Variants in MYBBP1A observed in about 807,000 individuals in gnomAD.
MYBBP1A encodes the protein MYB binding protein 1a, also known as myb-binding protein 1A.
In MYBBP1A, 147 loss-of-function variants were observed where a neutral mutation model predicts 136.3. That is an observed-to-expected ratio of 1.08 (90% CI 0.94 to 1.24). The LOEUF (loss-of-function observed/expected upper bound fraction) is 1.24, where lower values mean the gene tolerates loss of function less well. Among genes scored for constraint, MYBBP1A ranks in the 50% most tolerant of loss-of-function variants. MYBBP1A has a pLI of 0.00. For synonymous variants in MYBBP1A, 947 were observed against 735.8 expected (o/e 1.29, Z -4.65); for missense variants, 2,060 against 1,727.4 (o/e 1.19, Z -3.41).
chr17:4,545,372 C>T, intron 15 of MYBBP1A, 27 bp from the exon 16 acceptor site: 1 of 1,611,154 alleles, frequency 6.2e-7, no homozygotes. Flanking sequence ...GCCACTGACC[C>T]ATTTGCAGCC....
At chr17:4,547,790 C>A in intron 13 of MYBBP1A, 168 bp downstream of exon 13, 1 of 562,380 alleles carries the variant, frequency 1.8e-6, no homozygotes, top group Non-Finnish European at 3.1e-6. Flanking sequence ...CGCTAAGTGG[C>A]CGGAGGGATG....
intron 20 of MYBBP1A, 34 bp downstream of exon 20, chr17:4,542,879 G>A (rs757899367): frequency 2.5e-6 from 4 of 1,611,816 alleles, no homozygotes; most frequent in Non-Finnish European, 2.5e-6. Context: ...GCTGTGAAAT[G>A]CCTGGGGCTG....
rs764796216 is a variant in MYBBP1A at position 4,539,860 on chromosome 17, C to A, written c.3542G>T (p.Arg1181Leu). ...GCCATCCTCTGACTTGCGTTTCTTG[C>A]GCTTCTTCGTCTCTGGCAAGAATCC... is the stretch of plus-strand genomic sequence containing the variant. ...KKGFLPETKK[R>L]KKRKSEDGTP... The change falls in exon 26 of 26, where the codon CGC (arginine) becomes CTC (leucine). Residue 1181 changes from arginine (R) to leucine (L), a missense_variant. Physicochemically the swap from Arg to Leu is moderately radical, Grantham distance 102. Transcript: ENST00000254718. 3.7e-6 allele frequency: 6 copies of A among 1,606,864 alleles called. No individual in the cohort carries two copies. The highest frequency in any genetic ancestry group is 3.3e-5 in the Admixed American group (2 of 60,024).
rs994089732 is a variant in MYBBP1A at position 4,543,114 on chromosome 17, T to G, written c.2691A>C (p.Ala897=). Residue 897 remains alanine (A), a synonymous_variant, in exon 20 of 26, where the codon GCA becomes GCC. Transcript: ENST00000254718. ...RRYCHDLGER[A]GALHAQVERL... The stretch of plus-strand genomic sequence containing the variant: ...GCTCCACCTGGGCGTGCAGGGCCCC[T>G]GCGCGCTCACCCAAGTCGTGGCAGT... The G allele has an allele frequency of 1.1e-5, 18 of 1,612,200 alleles. No individual in the cohort carries two copies. Among genetic ancestry groups the G allele is most frequent in the Non-Finnish European group, 1.5e-5 (18 of 1,179,450 alleles).
chr17:4,554,751 C>T, intron 2 of MYBBP1A, 110 bp downstream of exon 2: 1 of 1,056,220 alleles, frequency 9.5e-7, no homozygotes, highest in Non-Finnish European at 1.4e-6. Context: ...CCACTCCCGA[C>T]CTCTCTCTCG....
rs1906975229 is a variant in MYBBP1A at position 4,545,917 on chromosome 17, A to AGCAGGTC, written c.1843_1849dup (p.Leu617ArgfsTer5). ...CCTGATGCAGGTCTGGATGTCACCC[A>AGCAGGTC]GCAGGTCACAGCTCTCTGCAGGGGA... On this transcript the variant is annotated frameshift_variant, in exon 14 of 26. Coordinates refer to ENST00000254718, the MANE Select transcript of MYBBP1A (RefSeq NM_014520.4). LOFTEE classifies it high-confidence loss of function. 1 of 1,613,260 alleles carries AGCAGGTC rather than the reference A, an allele frequency of 6.2e-7. No homozygotes were observed. The highest frequency in any genetic ancestry group is 1.3e-5 in the African/African-American group (1 of 75,048).
chr17:4,546,639 T>C (rs1014976242), intron 13 of MYBBP1A, among the ~76,000 whole-genome samples: 1 of 152,246 alleles, frequency 6.6e-6, no homozygotes, highest in African/African-American at 2.4e-5. Context: ...TTGAAAGTCA[T>C]TAGTTTTAAC....
chr17:4,541,468 G>A lies in MYBBP1A; in HGVS notation c.3292C>T (p.His1098Tyr). 1 of 1,613,154 alleles carries A rather than the reference G, an allele frequency of 6.2e-7. No individual in the cohort carries two copies. Among genetic ancestry groups the A allele is most frequent in the Non-Finnish European group, 8.5e-7 (1 of 1,179,878 alleles). Reference sequence around the variant, plus strand: ...GGACTGGGCCCCCGCCTCACCTCATGTTTGCAGGTCCTGAAGAGAACGTTG... The same window carrying A: ...GGACTGGGCCCCCGCCTCACCTCATATTTGCAGGTCCTGAAGAGAACGTTG... ...LLNVLFRTCK[H>Y]EKLTLDLTVL... The change falls in exon 24 of 26, where the codon CAT (histidine) becomes TAT (tyrosine). Residue 1098 changes from histidine (H) to tyrosine (Y), a missense_variant. Physicochemically the swap from His to Tyr is moderately conservative, Grantham distance 83 (BLOSUM62 2). Coordinates refer to ENST00000254718, the MANE Select transcript of MYBBP1A (RefSeq NM_014520.4).
At chr17:4,544,994 C>CGGGG in intron 17 of MYBBP1A, 32 bp downstream of exon 17, 8 of 1,425,216 alleles carry the variant, frequency 5.6e-6, no homozygotes, top group Non-Finnish European at 7.4e-6. Context: ...GAGCCCTCCC[C>CGGGG]GGCCGCCCCC....
intron 25 of MYBBP1A, 104 bp from the exon 26 acceptor site, chr17:4,540,071 T>TC: frequency 7.2e-7 from 1 of 1,384,288 alleles, no homozygotes; most frequent in Non-Finnish European, 9.8e-7. Flanking sequence ...CTGAGGCCCC[T>TC]AGGTTCTGTG....
At chr17:4,553,696 ATTATACATCTTTGTATTTCT>A in intron 5 of MYBBP1A, 94 bp downstream of exon 5, 1 of 766,720 alleles carries the variant, frequency 1.3e-6, no homozygotes, top group Non-Finnish European at 2.1e-6. Flanking sequence ...AACGCTTCAA[ATTATACATCTTTGTATTTCT>A]ATGGAACAGT....
chr17:4,540,257 A>G (rs534843133), intron 25 of MYBBP1A, 91 bp downstream of exon 25: 2 of 1,466,668 alleles, frequency 1.4e-6, no homozygotes, highest in African/African-American at 2.9e-5. Context: ...GTGCGTGTGC[A>G]GCAGCGTGTG....
intron 8 of MYBBP1A, among the ~76,000 whole-genome samples, chr17:4,550,772 G>GT (rs1448898836): frequency 1.3e-5 from 2 of 152,272 alleles, no homozygotes; most frequent in African/African-American, 2.4e-5. Flanking sequence ...ATTCCTAGCC[G>GT]TGTCATCTTC....
chr17:4,548,788 G>T lies in MYBBP1A; in HGVS notation c.1431-139C>A. 2 of 1,202,114 alleles carry T rather than the reference G, an allele frequency of 1.7e-6. No homozygotes were observed. Among genetic ancestry groups the T allele is most frequent in the Non-Finnish European group, 2.3e-6 (2 of 871,184 alleles). The allele number at this position is 1,202,114 out of a possible 1,614,324, so 74.5% of individuals were successfully genotyped here. A position where few individuals can be genotyped will look rare whatever the true frequency, so the allele number is the denominator to read the frequency against. Reference sequence around the variant, plus strand: ...TCTGCCCTGGGTACAGTCCTCGGGGGCCTGACGGGCAAGGCTGGAGGGGGC... The same window carrying T: ...TCTGCCCTGGGTACAGTCCTCGGGGTCCTGACGGGCAAGGCTGGAGGGGGC... On this transcript the variant is annotated intron_variant, in intron 10 of 25. Transcript: ENST00000254718. The surrounding 1 kb of genome is among the most constrained non-coding windows in gnomAD (Gnocchi z 4.2).
intron 23 of MYBBP1A, 80 bp from the exon 24 acceptor site, chr17:4,541,644 G>A (rs1567603628): frequency 6.6e-7 from 1 of 1,513,144 alleles, no homozygotes; most frequent in South Asian, 1.1e-5. Context: ...GTAAAGCCCA[G>A]AGGCAGGGAC....
rs566459467 is a variant in MYBBP1A at position 4,547,610 on chromosome 17, G to A, written c.1824+348C>T. ...TCAGGGCTTCTTGATGGGAAGAACC[G>A]AGCGGGAGAGCCCGTTGCCAGAAGG... On this transcript the variant is annotated intron_variant, in intron 13 of 25. Transcript: ENST00000254718. 1.9e-4 allele frequency: 47 copies of A among 241,042 alleles called. No homozygotes were observed. The South Asian group carries it at 6.2e-3, about 32-fold the overall frequency. The allele number at this position is 241,042 out of a possible 1,614,324, so 14.9% of individuals were successfully genotyped here.
rs775933672 is a variant in MYBBP1A at position 4,542,451 on chromosome 17, G to C, written c.3087+13C>G. ...CAGACAGGCCCTGGGCTGGGAGCTG[G>C]GAAGTCTCTCACCTGATGACGGGGC... On this transcript the variant is annotated intron_variant, in intron 22 of 25. Transcript: ENST00000254718. 5.0e-6 allele frequency: 8 copies of C among 1,600,418 alleles called. No homozygotes were observed. Among genetic ancestry groups the C allele is most frequent in the Middle Eastern group, 2.0e-4 (1 of 5,036 alleles).
intron 8 of MYBBP1A, among the ~76,000 whole-genome samples, chr17:4,551,526 T>C (rs1377568430): frequency 6.6e-6 from 1 of 152,168 alleles, no homozygotes; most frequent in African/African-American, 2.4e-5. Context: ...CTGGCCAACA[T>C]GGCAAAATCC....
Position 4,545,276 on chromosome 17 carries a change from G to A in MYBBP1A, c.2143C>T (p.Arg715Trp), listed in dbSNP as rs561399448. ...VVVTDDSDER[R>W]LKGAEDKSEE... Reference sequence around the variant, plus strand: ...GGCAACACCTCTGCACCCTTCAGCCGCCGCTCATCAGAATCGTCCGTCACC... The same window carrying A: ...GGCAACACCTCTGCACCCTTCAGCCACCGCTCATCAGAATCGTCCGTCACC... The change falls in exon 16 of 26, where the codon CGG (arginine) becomes TGG (tryptophan). Residue 715 changes from arginine (R) to tryptophan (W), a missense_variant. Physicochemically the swap from Arg to Trp is moderately radical, Grantham distance 101. Transcript: ENST00000254718. 4.8e-5 allele frequency: 78 copies of A among 1,609,330 alleles called. No individual in the cohort carries two copies. The Middle Eastern group carries it at 5.0e-4, about 10-fold the overall frequency.
Sources: gnomAD v4.1 joint callset for allele counts (sites outside exome capture counted in the v4.1 genomes callset) on GRCh38, gnomAD v4.1.1 for gene constraint, Gnocchi (gnomAD v3.1) non-coding constraint, MANE v1.5 for transcripts, NCBI Gene and HGNC (gene_info 2026-07-23, HGNC 2026-07-21) for gene names.